TNNI3K: variants seen among roughly 807,000 people sequenced by gnomAD.
The protein encoded by TNNI3K is TNNI3 interacting kinase.
A neutral mutation model predicts 114.5 loss-of-function variants in TNNI3K; 140 were observed. The observed-to-expected ratio is 1.22, with a 90% CI of 1.07 to 1.41. The LOEUF (loss-of-function observed/expected upper bound fraction) is 1.41. Ranked by LOEUF, TNNI3K falls within the 40% of genes most tolerant of loss-of-function variation. The probability of loss-of-function intolerance (pLI) is 0.00; values close to 1 mark genes in which losing one functional copy is unlikely to be tolerated. For synonymous variants in TNNI3K, 347 were observed against 347.5 expected (o/e 1.00, Z 0.02); for missense variants, 1,125 against 1,007.6 (o/e 1.12, Z -1.58).
intron 7 of TNNI3K, chr1:74,341,733 A>T (rs964376614): frequency 1.3e-5 from 2 of 152,170 alleles, no homozygotes; most frequent in African/African-American, 4.8e-5. Flanking sequence ...AATCATGCCC[A>T]AATGTGGTCC....
chr1:74,488,374 G>T (rs2100289535), intron 21 of TNNI3K, among the ~76,000 whole-genome samples: 1 of 152,260 alleles, frequency 6.6e-6, no homozygotes, highest in South Asian at 2.1e-4. Context: ...GGGAGAAATT[G>T]TTCTACTAAG....
chr1:74,436,983 A>C (rs1221071670), intron 19 of TNNI3K, among the ~76,000 whole-genome samples: 1 of 152,042 alleles, frequency 6.6e-6, no homozygotes, highest in Non-Finnish European at 1.5e-5. Context: ...AATTATAATA[A>C]CTGAAGCAAG....
intron 17 of TNNI3K, among the ~76,000 whole-genome samples, chr1:74,386,212 A>G (rs570125109): frequency 6.6e-6 from 1 of 152,292 alleles, no homozygotes; most frequent in African/African-American, 2.4e-5. Context: ...TAAATTACCC[A>G]GTATTGTGTA....
At chr1:74,517,465 A>G (rs1366101688) in intron 23 of TNNI3K, among the ~76,000 whole-genome samples, 1 of 152,238 alleles carries the variant, frequency 6.6e-6, no homozygotes, top group African/African-American at 2.4e-5. Context: ...CAGGCTGGAC[A>G]GGAAATGGTA....
At chr1:74,481,576 T>G (rs1668505901) in intron 21 of TNNI3K, among the ~76,000 whole-genome samples, 1 of 152,208 alleles carries the variant, frequency 6.6e-6, no homozygotes, top group Non-Finnish European at 1.5e-5. Flanking sequence ...TCAGTGGGGT[T>G]CTCATTATAG....
At chr1:74,461,732 T>C (rs1667464077) in intron 20 of TNNI3K, among the ~76,000 whole-genome samples, 1 of 152,214 alleles carries the variant, frequency 6.6e-6, no homozygotes, top group African/African-American at 2.4e-5. Flanking sequence ...TTAGTACAAC[T>C]GTTAGAATAA....
intron 5 of TNNI3K, among the ~76,000 whole-genome samples, chr1:74,321,020 G>T (rs1329357778): frequency 6.6e-6 from 1 of 152,150 alleles, no homozygotes; most frequent in Non-Finnish European, 1.5e-5. Context: ...CAGTTTCCAA[G>T]TTTGAGCAGT....
intron 21 of TNNI3K, 143 bp from the exon 22 acceptor site, chr1:74,489,046 C>A: frequency 1.6e-6 from 1 of 629,870 alleles, no homozygotes; most frequent in Non-Finnish European, 2.6e-6. Context: ...TCAATTAACA[C>A]TTCAATAAAA....
At chr1:74,371,282 T>C (rs940102003) in intron 17 of TNNI3K, 2 of 151,892 alleles carry the variant, frequency 1.3e-5, no homozygotes. Context: ...TTTGAACATA[T>C]ATGTTTAAAG....
chr1:74,301,898 A>G (rs890110379), intron 5 of TNNI3K, among the ~76,000 whole-genome samples: 2 of 152,230 alleles, frequency 1.3e-5, no homozygotes, highest in Non-Finnish European at 2.9e-5. Context: ...CTTCTAAATG[A>G]CTATGTGGAG....
intron 23 of TNNI3K, among the ~76,000 whole-genome samples, chr1:74,500,832 A>G (rs2100340257): frequency 6.6e-6 from 1 of 151,966 alleles, no homozygotes; most frequent in South Asian, 2.1e-4. Flanking sequence ...TTAAAATTTC[A>G]TCTATGAATC....
At chr1:74,436,012 G>T in intron 17 of TNNI3K, 68 bp from the exon 18 acceptor site, 1 of 1,552,442 alleles carries the variant, frequency 6.4e-7, no homozygotes, top group Non-Finnish European at 8.7e-7. Flanking sequence ...CTTCTTTGAG[G>T]GGCCAATTAG....
intron 21 of TNNI3K, chr1:74,472,198 A>G (rs1322380211): frequency 1.4e-6 from 1 of 716,684 alleles, no homozygotes; most frequent in African/African-American, 1.7e-5. Flanking sequence ...GTCACTGCTG[A>G]TATCTGTGGA....
intron 2 of TNNI3K, 45 bp from the exon 3 acceptor site, chr1:74,249,414 G>T: frequency 6.4e-7 from 1 of 1,562,696 alleles, no homozygotes. Flanking sequence ...AAGACAATAT[G>T]CTAAAAGATG....
At chr1:74,399,411 TTC>T (rs1357071033) in intron 17 of TNNI3K, among the ~76,000 whole-genome samples, 1 of 152,164 alleles carries the variant, frequency 6.6e-6, no homozygotes, top group Non-Finnish European at 1.5e-5. Context: ...TTGAAAGGAC[TTC>T]TGACTCAAAC....
intron 20 of TNNI3K, among the ~76,000 whole-genome samples, chr1:74,448,426 C>T (rs1205801963): frequency 6.8e-6 from 1 of 147,390 alleles, no homozygotes; most frequent in Non-Finnish European, 1.5e-5. Flanking sequence ...CAATTGACTT[C>T]CTCTTTTCCT....
At position 74,449,166 on chromosome 1, in the gene TNNI3K, G is replaced by T. The variant is rs867172963; in HGVS notation, c.2011+9544G>T. Among the ~76,000 whole-genome samples the T allele has an allele frequency of 5.0e-4, 75 of 151,454 alleles. 1 individual carries two copies. The highest frequency in any genetic ancestry group is 1.7e-3 in the African/African-American group (71 of 41,246). On this transcript the variant is annotated intron_variant, in intron 20 of 24. Transcript: ENST00000326637. ...TCCTGTTATTGGTCTATTCAGAGAT[G>T]CAACTTCTTCCTGGTTTAGTCTTTG...
chr1:74,283,147 T>C (rs1409151060), intron 5 of TNNI3K, among the ~76,000 whole-genome samples: 4 of 152,202 alleles, frequency 2.6e-5, no homozygotes, highest in Non-Finnish European at 5.9e-5. Context: ...CTTTTACACA[T>C]AGTCTTAAAT....
chr1:74,510,367 G>A (rs926169196), intron 23 of TNNI3K, among the ~76,000 whole-genome samples: 1 of 152,064 alleles, frequency 6.6e-6, no homozygotes, highest in Non-Finnish European at 1.5e-5. Flanking sequence ...TATTAGCCGG[G>A]CATGGTGCCT....
Sources: gnomAD v4.1 joint callset for allele counts (sites outside exome capture counted in the v4.1 genomes callset) on GRCh38, gnomAD v4.1.1 for gene constraint, MANE v1.5 for transcripts, NCBI Gene and HGNC (gene_info 2026-07-23, HGNC 2026-07-21) for gene names.